WWOX: variants seen among roughly 807,000 people sequenced by gnomAD.
WWOX encodes the protein WW domain-containing oxidoreductase.
Under a neutral mutation model 46.2 loss-of-function variants are expected in WWOX, and 69 were observed. The observed-to-expected ratio is 1.49, with a 90% CI of 1.23 to 1.82. The LOEUF is 1.82. Among genes scored for constraint, WWOX ranks in the 40% most tolerant of loss-of-function variants. The probability of loss-of-function intolerance (pLI) is 0.00; values close to 1 mark genes in which losing one functional copy is unlikely to be tolerated. For missense variants in WWOX, 919 were observed against 542.6 expected, an observed-to-expected ratio of 1.69 and a Z score of -6.89; for synonymous variants, 359 against 202.6, an observed-to-expected ratio of 1.77 and a Z score of -6.56.
At chr16:78,935,006 C>G (rs990402257) in intron 8 of WWOX, among the ~76,000 whole-genome samples, 3 of 152,130 alleles carry the variant, frequency 2.0e-5, no homozygotes, top group Non-Finnish European at 2.9e-5. Context: ...TGAAAAAATG[C>G]TCATCATCAC....
chr16:78,868,636 A>G (rs1202521692), intron 8 of WWOX, among the ~76,000 whole-genome samples: 1 of 152,226 alleles, frequency 6.6e-6, no homozygotes, highest in African/African-American at 2.4e-5. Context: ...GTATAATTAG[A>G]CAAATTCTGT....
chr16:78,549,225 A>G (rs989948972), intron 8 of WWOX, among the ~76,000 whole-genome samples: 3 of 152,208 alleles, frequency 2.0e-5, no homozygotes, highest in African/African-American at 7.2e-5. Flanking sequence ...TAAAATCTGC[A>G]TGTTAATAGC....
At chr16:79,193,531 A>T (rs2051178558) in intron 8 of WWOX, among the ~76,000 whole-genome samples, 1 of 152,174 alleles carries the variant, frequency 6.6e-6, no homozygotes, top group Admixed American at 6.5e-5. Flanking sequence ...AGAGTATGAA[A>T]GTGCTGCTTA....
At chr16:78,604,559 T>G (rs1274187099) in intron 8 of WWOX, among the ~76,000 whole-genome samples, 1 of 152,188 alleles carries the variant, frequency 6.6e-6, no homozygotes, top group Non-Finnish European at 1.5e-5. Flanking sequence ...ATGAGCTACG[T>G]TGTATCAATT....
chr16:78,734,365 C>A (rs1024761748), intron 8 of WWOX, among the ~76,000 whole-genome samples: 1 of 152,074 alleles, frequency 6.6e-6, no homozygotes, highest in Non-Finnish European at 1.5e-5. Context: ...ATATTTATAT[C>A]GCTGTTTGGC....
At chr16:78,343,492 T>A (rs1284173645) in intron 5 of WWOX, among the ~76,000 whole-genome samples, 2 of 120,676 alleles carry the variant, frequency 1.7e-5, no homozygotes, top group South Asian at 2.5e-4. Flanking sequence ...TCGCCTCTCA[T>A]CATGTAAGGT....
chr16:78,861,994 T>G (rs2043894634), intron 8 of WWOX, among the ~76,000 whole-genome samples: 1 of 152,196 alleles, frequency 6.6e-6, no homozygotes, highest in Admixed American at 6.5e-5. Context: ...GAACTAATAC[T>G]ATATGTGTGT....
chr16:78,292,628 A>T (rs186382220), intron 5 of WWOX, among the ~76,000 whole-genome samples: 4,067 of 151,078 alleles, frequency 0.027, 152 homozygotes, highest in African/African-American at 0.085. Flanking sequence ...TTTTTTTTTT[A>T]AAAAAAAGGA....
intron 8 of WWOX, among the ~76,000 whole-genome samples, chr16:78,601,029 G>T (rs115123455): frequency 6.6e-6 from 1 of 152,174 alleles, no homozygotes; most frequent in African/African-American, 2.4e-5. Flanking sequence ...CCTCAACCTC[G>T]TTCAGTTTCC....
chr16:78,989,357 C>G (rs942404565), intron 8 of WWOX, among the ~76,000 whole-genome samples: 11 of 152,084 alleles, frequency 7.2e-5, no homozygotes, highest in African/African-American at 2.7e-4. Context: ...ATCTTTGCTT[C>G]CTTGGATCCC....
chr16:78,920,615 A>G (rs539752880), intron 8 of WWOX, among the ~76,000 whole-genome samples: 1 of 152,164 alleles, frequency 6.6e-6, no homozygotes, highest in Non-Finnish European at 1.5e-5. Flanking sequence ...CTCAGAGTGC[A>G]AAGAACATCC....
chr16:78,876,630 T>G (rs1371004532), intron 8 of WWOX, among the ~76,000 whole-genome samples: 1 of 152,228 alleles, frequency 6.6e-6, no homozygotes, highest in Non-Finnish European at 1.5e-5. Flanking sequence ...TACTGCTTTC[T>G]CTAGAGATCT....
chr16:78,763,482 G>A (rs1044475870), intron 8 of WWOX, among the ~76,000 whole-genome samples: 2 of 152,182 alleles, frequency 1.3e-5, no homozygotes, highest in Admixed American at 1.3e-4. Flanking sequence ...TTGGGATAGA[G>A]GCACTTTTTG....
intron 8 of WWOX, among the ~76,000 whole-genome samples, chr16:78,553,855 G>A (rs543759551): frequency 6.6e-6 from 1 of 152,140 alleles, no homozygotes; most frequent in South Asian, 2.1e-4. Context: ...AAGTGTGGCT[G>A]CCCGGAGAGC....
intron 8 of WWOX, among the ~76,000 whole-genome samples, chr16:78,529,730 G>C (rs1273659027): frequency 6.6e-6 from 1 of 152,150 alleles, no homozygotes; most frequent in African/African-American, 2.4e-5. Context: ...GCCTCCCAAA[G>C]TGCTGGGATT....
chr16:79,023,427 A>C (rs1288747419), intron 8 of WWOX, among the ~76,000 whole-genome samples: 1 of 152,114 alleles, frequency 6.6e-6, no homozygotes, highest in Non-Finnish European at 1.5e-5. Flanking sequence ...GTGAGGACAA[A>C]AGGATGGGGC....
chr16:78,778,432 G>A (rs1298415495), intron 8 of WWOX, among the ~76,000 whole-genome samples: 1 of 152,214 alleles, frequency 6.6e-6, no homozygotes, highest in Non-Finnish European at 1.5e-5. Context: ...TCGGACCTCA[G>A]TATGATTGAT....
chr16:79,051,878 T>A (rs534980457), intron 8 of WWOX, among the ~76,000 whole-genome samples: 16 of 152,370 alleles, frequency 1.1e-4, no homozygotes, highest in Middle Eastern at 3.4e-3. Context: ...AGCCTAAATA[T>A]TTGCCCTGGC....
In WWOX at chr16:78,149,100, T is replaced by C. The variant is rs1023992332; in HGVS notation, c.410-15083T>C. On this transcript the variant is annotated intron_variant, in intron 4 of 8. Coordinates refer to ENST00000566780, the MANE Select transcript of WWOX (RefSeq NM_016373.4). ...TCGAATTCCTAAGCTCAAGTGATCC[T>C]CCTGCCTTGGCCTCCTAAAGTGCTG... Among the ~76,000 whole-genome samples the C allele has an allele frequency of 2.0e-5, 3 of 152,046 alleles. No homozygotes were observed. In the South Asian group the frequency reaches 6.2e-4, roughly 32 times the overall value.
Sources: gnomAD v4.1 joint callset for allele counts (sites outside exome capture counted in the v4.1 genomes callset) on GRCh38, gnomAD v4.1.1 for gene constraint, MANE v1.5 for transcripts, NCBI Gene and HGNC (gene_info 2026-07-23, HGNC 2026-07-21) for gene names.